ZNF407: variants seen among roughly 807,000 people sequenced by gnomAD.
ZNF407 encodes zinc finger protein 407.
In ZNF407, 17 loss-of-function variants were observed where a neutral mutation model predicts 131.2. The ratio of observed to expected loss-of-function variants is 0.13; its 90% CI spans 0.09 to 0.19. The LOEUF (loss-of-function observed/expected upper bound fraction) is 0.19. ZNF407 is among the 10% of genes least tolerant of loss of function. The pLI is 1.00. For missense variants in ZNF407, 2,681 were observed against 2,830.6 expected, an observed-to-expected ratio of 0.95 and a Z score of 1.20; for synonymous variants, 1,156 against 1,062.0, an observed-to-expected ratio of 1.09 and a Z score of -1.72.
intron 8 of ZNF407, among the ~76,000 whole-genome samples, chr18:74,945,879 G>A (rs536513111): frequency 6.6e-6 from 1 of 152,168 alleles, no homozygotes; most frequent in African/African-American, 2.4e-5. Flanking sequence ...CCTGGTTTTT[G>A]CAGTGTCATA....
intron 8 of ZNF407, among the ~76,000 whole-genome samples, chr18:75,032,116 T>TC (rs1973247605): frequency 6.6e-6 from 1 of 151,978 alleles, no homozygotes; most frequent in Admixed American, 6.6e-5. Context: ...ACCCGAGAGC[T>TC]CCCCCCACAC....
chr18:74,997,250 T>C (rs1305227229), intron 8 of ZNF407, among the ~76,000 whole-genome samples: 2 of 152,146 alleles, frequency 1.3e-5, no homozygotes, highest in East Asian at 3.9e-4. Flanking sequence ...TGAATTAATT[T>C]AGATTATCAA....
chr18:74,768,097 G>C (rs1334345552), intron 3 of ZNF407, among the ~76,000 whole-genome samples: 1 of 152,066 alleles, frequency 6.6e-6, no homozygotes, highest in Non-Finnish European at 1.5e-5. Context: ...TTGCCAAATA[G>C]TATTTTTAAA....
chr18:74,945,963 C>T (rs1420564375), intron 8 of ZNF407, among the ~76,000 whole-genome samples: 1 of 152,196 alleles, frequency 6.6e-6, no homozygotes. Context: ...TGACAGGCCT[C>T]CGTAACGCTG....
At chr18:75,042,801 G>A (rs1044715931) in intron 8 of ZNF407, among the ~76,000 whole-genome samples, 2 of 152,144 alleles carry the variant, frequency 1.3e-5, no homozygotes, top group Non-Finnish European at 1.5e-5. Flanking sequence ...AGCATGTCAC[G>A]TCAGTGGCAG....
intron 7 of ZNF407, among the ~76,000 whole-genome samples, chr18:74,919,381 G>T (rs1256640173): frequency 1.3e-5 from 2 of 152,164 alleles, no homozygotes; most frequent in Non-Finnish European, 2.9e-5. Context: ...CCTACATAAA[G>T]TTCTTCTTAG....
At chr18:74,840,083 G>C (rs1465613238) in intron 4 of ZNF407, among the ~76,000 whole-genome samples, 1 of 151,982 alleles carries the variant, frequency 6.6e-6, no homozygotes, top group Non-Finnish European at 1.5e-5. Context: ...TGTACAGTTG[G>C]AAGTTGGAAA....
intron 3 of ZNF407, among the ~76,000 whole-genome samples, chr18:74,655,070 A>T (rs2144718235): frequency 6.6e-6 from 1 of 152,118 alleles, no homozygotes; most frequent in East Asian, 1.9e-4. Flanking sequence ...GTTTGTTCCA[A>T]ATAATTTACT....
At chr18:74,884,397 A>G (rs1971279649) in intron 6 of ZNF407, among the ~76,000 whole-genome samples, 1 of 152,214 alleles carries the variant, frequency 6.6e-6, no homozygotes, top group Admixed American at 6.5e-5. Context: ...TAACTGATTG[A>G]TGAGTTACAA....
At chr18:74,872,993 AG>A (rs1310194007) in intron 4 of ZNF407, among the ~76,000 whole-genome samples, 1 of 151,622 alleles carries the variant, frequency 6.6e-6, no homozygotes, top group Non-Finnish European at 1.5e-5. Flanking sequence ...CCACCTTTTT[AG>A]GATACTTACC....
chr18:74,711,754 G>A (rs9319683), intron 3 of ZNF407, among the ~76,000 whole-genome samples: 117,896 of 152,194 alleles, frequency 0.77, 45,968 homozygotes, highest in East Asian at 0.89. Context: ...TCTGTCACCC[G>A]GGTTGGAGTG....
intron 1 of ZNF407, among the ~76,000 whole-genome samples, chr18:74,602,056 AT>A (rs1247865512): frequency 6.6e-6 from 1 of 152,202 alleles, no homozygotes; most frequent in Non-Finnish European, 1.5e-5. Flanking sequence ...TTTTGTTCTT[AT>A]CAGTGTTGTC....
At chr18:75,058,546 C>T (rs1242548483) in intron 8 of ZNF407, among the ~76,000 whole-genome samples, 1 of 152,180 alleles carries the variant, frequency 6.6e-6, no homozygotes, top group African/African-American at 2.4e-5. Context: ...TGAAATCTGA[C>T]ACTGTCTTTT....
chr18:74,825,352 C>T (rs1198024931), intron 4 of ZNF407, among the ~76,000 whole-genome samples: 2 of 151,988 alleles, frequency 1.3e-5, no homozygotes, highest in Non-Finnish European at 1.5e-5. Context: ...GGCAATCAGG[C>T]AAGGGAAAGA....
chr18:75,014,432 C>T (rs576733663), intron 8 of ZNF407, among the ~76,000 whole-genome samples: 3 of 152,118 alleles, frequency 2.0e-5, no homozygotes, highest in South Asian at 2.1e-4. Context: ...TCTTGAAGGT[C>T]AAGCCATTTT....
At chr18:74,862,960 GC>G (rs1300829856) in intron 4 of ZNF407, among the ~76,000 whole-genome samples, 4 of 113,620 alleles carry the variant, frequency 3.5e-5, no homozygotes, top group African/African-American at 1.3e-4. Flanking sequence ...TGCTCTTATT[GC>G]CCAGGCTGGA....
chr18:74,814,146 GT>G (rs1049448435), intron 4 of ZNF407, among the ~76,000 whole-genome samples: 1 of 152,096 alleles, frequency 6.6e-6, no homozygotes, highest in African/African-American at 2.4e-5. Flanking sequence ...GTTTGTTTTT[GT>G]TTTTAAGATA....
intron 4 of ZNF407, among the ~76,000 whole-genome samples, chr18:74,792,673 T>G (rs1438741435): frequency 6.6e-6 from 1 of 152,110 alleles, no homozygotes; most frequent in African/African-American, 2.4e-5. Flanking sequence ...AGTTTCAATG[T>G]GTTCAAAAGA....
chr18:74,874,497 G>A (rs1599213128), intron 4 of ZNF407, among the ~76,000 whole-genome samples: 1 of 152,142 alleles, frequency 6.6e-6, no homozygotes, highest in East Asian at 1.9e-4. Flanking sequence ...ATCTCCTTGG[G>A]GGGTGGCAGG....
Sources: allele counts gnomAD v4.1 joint callset (sites outside exome capture counted in the v4.1 genomes callset), GRCh38; gene constraint gnomAD v4.1.1; transcripts MANE v1.5; gene names NCBI Gene and HGNC (gene_info 2026-07-23, HGNC 2026-07-21).